DNAJC5B: variants seen among roughly 807,000 people sequenced by gnomAD.
The protein encoded by DNAJC5B is dnaJ homolog subfamily C member 5B.
Under a neutral mutation model 24.7 loss-of-function variants are expected in DNAJC5B, and 23 were observed. The ratio of observed to expected loss-of-function variants is 0.93; its 90% CI spans 0.67 to 1.32. The LOEUF is 1.32. Ranked by LOEUF, DNAJC5B falls within the 40% of genes most tolerant of loss-of-function variation. The pLI, the probability that DNAJC5B is intolerant of heterozygous loss-of-function variation, is 0.00. For missense variants in DNAJC5B, 238 were observed against 240.8 expected (o/e 0.99, Z 0.08); for synonymous variants, 101 against 90.1 (o/e 1.12, Z -0.68).
In DNAJC5B at chr8:66,033,770, C is replaced by CTT. The variant is rs765814272; in HGVS notation, c.-141-9696_-141-9695dup. Reference sequence around the variant, plus strand: ...GCTTCTTGCTTTCAAGATCATTCCGCTTTTTTTTTTTTTTTTTTTTTTTGG... The same window carrying CTT: ...GCTTCTTGCTTTCAAGATCATTCCGCTTTTTTTTTTTTTTTTTTTTTTTTTGG... On this transcript the variant is annotated intron_variant, in intron 1 of 5. Transcript: ENST00000276570. Among the ~76,000 whole-genome samples, 161 of 105,324 alleles carry CTT rather than the reference C, an allele frequency of 1.5e-3. 2 individuals are homozygous for CTT. The highest frequency in any genetic ancestry group is 5.5e-3 in the East Asian group (21 of 3,800). The allele number at this position is 105,324 out of a possible 152,430, so 69.1% of individuals were successfully genotyped here.
intron 1 of DNAJC5B, among the ~76,000 whole-genome samples, chr8:66,042,187 T>C (rs1806624741): frequency 6.6e-6 from 1 of 152,218 alleles, no homozygotes; most frequent in Non-Finnish European, 1.5e-5. Context: ...TGTTGACTTT[T>C]GTTTATCAGT....
At chr8:66,022,836 G>A (rs1001845738) in intron 1 of DNAJC5B, among the ~76,000 whole-genome samples, 1 of 152,040 alleles carries the variant, frequency 6.6e-6, no homozygotes, top group Non-Finnish European at 1.5e-5. Context: ...TTCACAATTA[G>A]GTTATGATCT....
chr8:66,019,726 C>A (rs1322300590), upstream of DNAJC5B, among the ~76,000 whole-genome samples: 6 of 151,946 alleles, frequency 3.9e-5, no homozygotes, highest in East Asian at 1.2e-3. Context: ...TGTGGGAAAC[C>A]CTGACATTAT....
chr8:66,027,130 C>T (rs2128955778), intron 1 of DNAJC5B, among the ~76,000 whole-genome samples: 1 of 152,278 alleles, frequency 6.6e-6, no homozygotes, highest in African/African-American at 2.4e-5. Context: ...TATTCCAATG[C>T]CCTGTAAGGG....
intron 1 of DNAJC5B, among the ~76,000 whole-genome samples, chr8:66,027,071 C>T (rs551265321): frequency 6.6e-6 from 1 of 152,186 alleles, no homozygotes; most frequent in East Asian, 1.9e-4. Context: ...TCCTCGTCCT[C>T]CTCCTCTTAA....
At chr8:66,082,461 A>T (rs1327549891) in intron 5 of DNAJC5B, among the ~76,000 whole-genome samples, 1 of 152,054 alleles carries the variant, frequency 6.6e-6, no homozygotes, top group Non-Finnish European at 1.5e-5. Flanking sequence ...TCTTTTCTGG[A>T]ACAGAAATCC....
chr8:66,082,936 C>T (rs1360470246), intron 5 of DNAJC5B, among the ~76,000 whole-genome samples: 1 of 151,416 alleles, frequency 6.6e-6, no homozygotes, highest in South Asian at 2.1e-4. Context: ...GGCTTTGTGG[C>T]TGCACATCCA....
chr8:66,016,536 T>G, the DNAJC5B span, among the ~76,000 whole-genome samples: 1 of 152,212 alleles, frequency 6.6e-6, no homozygotes, highest in Admixed American at 6.5e-5. Flanking sequence ...CAATTAAACC[T>G]CTTTCTTTAT....
chr8:66,052,337 T>C (rs1245298885), intron 3 of DNAJC5B, among the ~76,000 whole-genome samples: 1 of 152,166 alleles, frequency 6.6e-6, no homozygotes, highest in African/African-American at 2.4e-5. Context: ...TTTGGTGGAA[T>C]GCTGTATTTG....
intron 3 of DNAJC5B, 150 bp from the exon 4 acceptor site, chr8:66,076,510 T>C (rs552100362): frequency 2.5e-6 from 2 of 790,822 alleles, no homozygotes; most frequent in East Asian, 2.5e-5. Flanking sequence ...TTAGTGAAAA[T>C]GTACTTGTTA....
At chr8:66,050,862 G>A (rs1207378838) in intron 2 of DNAJC5B, among the ~76,000 whole-genome samples, 1 of 152,150 alleles carries the variant, frequency 6.6e-6, no homozygotes, top group African/African-American at 2.4e-5. Flanking sequence ...TATATTTATG[G>A]TGTACAGTGT....
intron 3 of DNAJC5B, among the ~76,000 whole-genome samples, chr8:66,062,427 A>G (rs1394168171): frequency 6.6e-6 from 1 of 152,250 alleles, no homozygotes; most frequent in Non-Finnish European, 1.5e-5. Flanking sequence ...AACTAAAAAA[A>G]CAGCCAGATA....
In DNAJC5B at chr8:66,076,774, C is replaced by G. The variant is rs1286516499; in HGVS notation, c.234C>G (p.Ser78Arg). The G allele has an allele frequency of 6.2e-7, 1 of 1,614,076 alleles. No individual in the cohort carries two copies. The highest frequency in any genetic ancestry group is 8.5e-7 in the Non-Finnish European group (1 of 1,180,034). The stretch of plus-strand genomic sequence containing the variant: ...TACTTACCGACATTTCAAAGAGAAG[C>G]ATATACGACAAGTACGGATCGCTGG... ...HAILTDISKR[S>R]IYDKYGSLGL... The change falls in exon 4 of 6, where the codon AGC becomes AGG. Residue 78 changes from serine (S) to arginine (R), a missense_variant. Coordinates refer to ENST00000276570, the MANE Select transcript of DNAJC5B (RefSeq NM_033105.6).
chr8:66,044,420 G>T (rs746325412), intron 2 of DNAJC5B, among the ~76,000 whole-genome samples: 4 of 152,010 alleles, frequency 2.6e-5, no homozygotes, highest in Admixed American at 6.5e-5. Flanking sequence ...GGCATAGTTT[G>T]ACTTTTTCTA....
intron 5 of DNAJC5B, among the ~76,000 whole-genome samples, chr8:66,084,698 G>C (rs555887671): frequency 6.6e-6 from 1 of 152,210 alleles, no homozygotes; most frequent in South Asian, 2.1e-4. Flanking sequence ...ACCACTCAAG[G>C]ATACCAAAAC....
At chr8:66,027,515 G>T (rs1806271163) in intron 1 of DNAJC5B, among the ~76,000 whole-genome samples, 2 of 152,098 alleles carry the variant, frequency 1.3e-5, no homozygotes, top group Non-Finnish European at 2.9e-5. Flanking sequence ...GAGTACTATG[G>T]CATGTAATTC....
chr8:66,026,636 G>A (rs947427763), intron 1 of DNAJC5B, among the ~76,000 whole-genome samples: 1 of 152,240 alleles, frequency 6.6e-6, no homozygotes, highest in South Asian at 2.1e-4. Context: ...ACTCTCCCAA[G>A]AATTGTGCAA....
chr8:66,035,423 G>T (rs945882992), intron 1 of DNAJC5B, among the ~76,000 whole-genome samples: 10 of 152,180 alleles, frequency 6.6e-5, no homozygotes, highest in African/African-American at 2.4e-4. Context: ...CTGGAGTAGG[G>T]TGGGCCCTTA....
At chr8:66,043,988 A>G (rs1284649813) in intron 2 of DNAJC5B, among the ~76,000 whole-genome samples, 1 of 151,810 alleles carries the variant, frequency 6.6e-6, no homozygotes, top group Admixed American at 6.6e-5. Flanking sequence ...TACCACAGCT[A>G]ATTTTTGTAC....
Sources: gnomAD v4.1 joint callset for allele counts (sites outside exome capture counted in the v4.1 genomes callset) on GRCh38, gnomAD v4.1.1 for gene constraint, MANE v1.5 for transcripts, NCBI Gene and HGNC (gene_info 2026-07-23, HGNC 2026-07-21) for gene names.